The following CACNA1E variants were observed in gnomAD, a reference collection of about 807,000 sequenced individuals.
CACNA1E encodes the protein calcium voltage-gated channel subunit alpha1 E.
Under a neutral mutation model 259.2 loss-of-function variants are expected in CACNA1E, and 40 were observed. The ratio of observed to expected loss-of-function variants is 0.15; its 90% CI spans 0.12 to 0.20. CACNA1E has a LOEUF of 0.20. Ranked by LOEUF, CACNA1E falls within the 10% of genes least tolerant of loss-of-function variation. CACNA1E has a pLI of 1.00. For missense variants in CACNA1E, 1,874 were observed against 3,040.1 expected, an observed-to-expected ratio of 0.62 and a Z score of 9.02; for synonymous variants, 1,104 against 1,138.5, an observed-to-expected ratio of 0.97 and a Z score of 0.61.
intron 6 of CACNA1E, among the ~76,000 whole-genome samples, chr1:181,616,960 A>G (rs529397043): frequency 7.9e-5 from 12 of 152,182 alleles, no homozygotes; most frequent in Non-Finnish European, 1.8e-4. Flanking sequence ...TAGTTGCATA[A>G]AGCTCATAAT....
chr1:181,663,403 C>G (rs974180897), intron 7 of CACNA1E, among the ~76,000 whole-genome samples: 1 of 152,184 alleles, frequency 6.6e-6, no homozygotes, highest in African/African-American at 2.4e-5. Context: ...CACTATCTTC[C>G]TGTGCTTTGG....
chr1:181,679,069 C>G (rs1323020237), intron 7 of CACNA1E, among the ~76,000 whole-genome samples: 1 of 152,112 alleles, frequency 6.6e-6, no homozygotes, highest in Non-Finnish European at 1.5e-5. Context: ...CTTACTGGCA[C>G]CTAAGGATGA....
intron 43 of CACNA1E, among the ~76,000 whole-genome samples, chr1:181,789,048 G>C (rs140952763): frequency 6.6e-6 from 1 of 152,064 alleles, no homozygotes; most frequent in East Asian, 1.9e-4. Context: ...TTTTTGTAGA[G>C]ACAGGTCTTG....
intron 1 of CACNA1E, among the ~76,000 whole-genome samples, chr1:181,503,974 C>A (rs149021993): frequency 3.0e-4 from 45 of 152,240 alleles, no homozygotes; most frequent in African/African-American, 1.1e-3. Flanking sequence ...TGTAAAATGT[C>A]TATTTGGTGT....
chr1:181,793,614 G>C (rs572790410), intron 44 of CACNA1E, 51 bp from the exon 45 acceptor site: 1 of 1,584,126 alleles, frequency 6.3e-7, no homozygotes, highest in Non-Finnish European at 8.6e-7. Flanking sequence ...GACGTGAGAA[G>C]CAATGAGATG....
At chr1:181,338,801 G>A (rs1287384357) in intron 1 of CACNA1E, among the ~76,000 whole-genome samples, 2 of 151,882 alleles carry the variant, frequency 1.3e-5, no homozygotes, top group Non-Finnish European at 2.9e-5. Context: ...CAGGTCTTAT[G>A]TTTTGGTCTT....
At chr1:181,617,340 G>T (rs1426731900) in intron 6 of CACNA1E, among the ~76,000 whole-genome samples, 4 of 149,166 alleles carry the variant, frequency 2.7e-5, no homozygotes, top group African/African-American at 9.9e-5. Context: ...ATGGTATTTT[G>T]TACCTGGAAT....
intron 3 of CACNA1E, among the ~76,000 whole-genome samples, chr1:181,535,264 A>T (rs1203007704): frequency 5.3e-5 from 8 of 152,200 alleles, no homozygotes; most frequent in Admixed American, 3.3e-4. Flanking sequence ...GCAGGTCCTC[A>T]GAGGCTTAAA....
intron 2 of CACNA1E, among the ~76,000 whole-genome samples, chr1:181,425,578 C>A (rs1659118423): frequency 7.4e-6 from 1 of 135,238 alleles, no homozygotes; most frequent in African/African-American, 2.8e-5. Context: ...GAATTCCAGG[C>A]ACCGATGAAA....
chr1:181,386,249 T>C lies in CACNA1E; in HGVS notation c.-14-26884T>C, dbSNP rs552867376. ...TATCCAAGGGGTCAGGAGGGAAGGATATCCAAAGTATCCCAGGGAAGGGAT... is the reference window on the plus strand; with the variant it reads ...TATCCAAGGGGTCAGGAGGGAAGGACATCCAAAGTATCCCAGGGAAGGGAT... On this transcript the variant is annotated intron_variant, in intron 1 of 11. Coordinates refer to the CACNA1E transcript ENST00000524607. Among the ~76,000 whole-genome samples, 2 of 152,168 alleles carry C rather than the reference T, an allele frequency of 1.3e-5. 1 individual carries two copies. The highest frequency in any genetic ancestry group is 3.9e-4 in the East Asian group (2 of 5,164).
intron 27 of CACNA1E, 136 bp downstream of exon 27, chr1:181,752,375 T>C: frequency 1.5e-6 from 1 of 668,924 alleles, no homozygotes; most frequent in Admixed American, 2.5e-5. Context: ...TCTTTTCATC[T>C]GCCTGAGCTA....
At chr1:181,684,151 T>C (rs1650274668) in intron 7 of CACNA1E, among the ~76,000 whole-genome samples, 1 of 152,194 alleles carries the variant, frequency 6.6e-6, no homozygotes, top group African/African-American at 2.4e-5. Flanking sequence ...TCTCTTATTT[T>C]TTGACTTTTA....
chr1:181,681,247 C>T (rs1649941003), intron 7 of CACNA1E, among the ~76,000 whole-genome samples: 1 of 152,158 alleles, frequency 6.6e-6, no homozygotes, highest in African/African-American at 2.4e-5. Context: ...GATCCATGTC[C>T]CCAACTTCTG....
chr1:181,734,742 C>T (rs1334366030), intron 21 of CACNA1E, among the ~76,000 whole-genome samples: 1 of 145,568 alleles, frequency 6.9e-6, no homozygotes, highest in East Asian at 2.1e-4. Context: ...AATTCCACAC[C>T]CTATCCTTGC....
intron 1 of CACNA1E, among the ~76,000 whole-genome samples, chr1:181,365,881 G>A (rs1654234798): frequency 6.6e-6 from 1 of 152,232 alleles, no homozygotes; most frequent in Non-Finnish European, 1.5e-5. Context: ...GGACAAGGGG[G>A]CTAGGGTAGA....
intron 6 of CACNA1E, among the ~76,000 whole-genome samples, chr1:181,613,797 G>A (rs2103122277): frequency 6.6e-6 from 1 of 152,146 alleles, no homozygotes; most frequent in South Asian, 2.1e-4. Context: ...TCCCAAAATA[G>A]GGCACTTTGT....
intron 6 of CACNA1E, among the ~76,000 whole-genome samples, chr1:181,628,876 G>A (rs1020247864): frequency 6.6e-6 from 1 of 152,120 alleles, no homozygotes; most frequent in East Asian, 1.9e-4. Flanking sequence ...TTCAGATTTG[G>A]ATTTTAGTGC....
intron 15 of CACNA1E, 68 bp from the exon 16 acceptor site, chr1:181,721,690 C>T (rs532014233): frequency 1.1e-6 from 1 of 942,572 alleles, no homozygotes; most frequent in South Asian, 1.4e-5. Flanking sequence ...CAGAATTTGC[C>T]CTTGGCATTG....
chr1:181,719,240 A>T (rs1340040040), intron 12 of CACNA1E, among the ~76,000 whole-genome samples: 1 of 152,228 alleles, frequency 6.6e-6, no homozygotes, highest in Non-Finnish European at 1.5e-5. Context: ...TTCATCTGAA[A>T]TTGCTGCATC....
Sources: gnomAD v4.1 joint callset for allele counts (sites outside exome capture counted in the v4.1 genomes callset) on GRCh38, gnomAD v4.1.1 for gene constraint, MANE v1.5 for transcripts, NCBI Gene and HGNC (gene_info 2026-07-23, HGNC 2026-07-21) for gene names.